FKBP5: variants seen among roughly 807,000 people sequenced by gnomAD.
The protein encoded by FKBP5 is FKBP prolyl isomerase 5, also known as peptidyl-prolyl cis-trans isomerase FKBP5.
In FKBP5, 23 loss-of-function variants were observed where a neutral mutation model predicts 50.5. That is an observed-to-expected ratio of 0.46 (90% CI 0.33 to 0.65). The LOEUF (loss-of-function observed/expected upper bound fraction) is 0.65, where lower values mean the gene tolerates loss of function less well. Ranked by LOEUF, FKBP5 falls within the 30% of genes least tolerant of loss-of-function variation. The pLI is 0.02. For missense variants in FKBP5, 411 were observed against 553.1 expected, an observed-to-expected ratio of 0.74 and a Z score of 2.58; for synonymous variants, 176 against 190.6, an observed-to-expected ratio of 0.92 and a Z score of 0.63.
chr6:35,589,096 ATATATATATATTTT>A (rs1471764277), intron 7 of FKBP5, among the ~76,000 whole-genome samples: 15 of 129,842 alleles, frequency 1.2e-4, no homozygotes, highest in African/African-American at 4.0e-4. Context: ...ATATTTTTAT[ATATATATATATTTT>A]TATATATATA....
intron 3 of FKBP5, among the ~76,000 whole-genome samples, chr6:35,632,794 CAGG>C (rs747082982): frequency 4.0e-5 from 6 of 151,270 alleles, no homozygotes; most frequent in Non-Finnish European, 8.8e-5. Flanking sequence ...GAGGCTGAGG[CAGG>C]AGAATTGCTT....
Position 35,609,408 on chromosome 6 carries a change from A to G in FKBP5, c.508+9688T>C, listed in dbSNP as rs548479617. On this transcript the variant is annotated intron_variant, in intron 5 of 10. Transcript: ENST00000357266. ...AAAAGCATTGTCTTTAGTGTAATGA[A>G]TAAGATTCTTATTCCTTTGTACATA... Among the ~76,000 whole-genome samples, 4 of 152,326 alleles carry G rather than the reference A, an allele frequency of 2.6e-5. No individual in the cohort carries two copies. The South Asian group carries it at 8.3e-4, about 32-fold the overall frequency.
chr6:35,652,445 C>A (rs767653797), intron 1 of FKBP5, among the ~76,000 whole-genome samples: 8 of 152,138 alleles, frequency 5.3e-5, no homozygotes, highest in Non-Finnish European at 1.2e-4. Context: ...ATGGAAAGTC[C>A]CTGAGAAAGA....
At chr6:35,725,273 G>T (rs745841365) in intron 1 of FKBP5, among the ~76,000 whole-genome samples, 3 of 152,158 alleles carry the variant, frequency 2.0e-5, no homozygotes, top group Non-Finnish European at 2.9e-5. Flanking sequence ...CTCTGCCTCT[G>T]TTCTCTGTGA....
intron 5 of FKBP5, among the ~76,000 whole-genome samples, chr6:35,610,567 CA>C (rs35101873): frequency 1.3e-3 from 75 of 58,618 alleles, no homozygotes; most frequent in South Asian, 3.9e-3. Context: ...GACTCCGTCT[CA>C]AAAAAAAAAA....
chr6:35,689,898 C>G (rs1043104956), upstream of FKBP5, among the ~76,000 whole-genome samples: 5 of 152,156 alleles, frequency 3.3e-5, no homozygotes, highest in African/African-American at 9.7e-5. Flanking sequence ...AGACTGCCAA[C>G]CAGATGGCTA....
At chr6:35,708,810 G>A (rs946694042) in intron 2 of FKBP5, among the ~76,000 whole-genome samples, 6 of 152,166 alleles carry the variant, frequency 3.9e-5, no homozygotes, top group African/African-American at 1.4e-4. Context: ...AATGGCAGGA[G>A]CTCAGACAGC....
intron 6 of FKBP5, among the ~76,000 whole-genome samples, chr6:35,592,066 C>T (rs1439156676): frequency 6.6e-6 from 1 of 152,156 alleles, no homozygotes; most frequent in Non-Finnish European, 1.5e-5. Context: ...TCACCTGTTT[C>T]CCAGTGTTTG....
At chr6:35,647,392 T>A (rs1005913548) in intron 1 of FKBP5, among the ~76,000 whole-genome samples, 1 of 152,232 alleles carries the variant, frequency 6.6e-6, no homozygotes, top group Non-Finnish European at 1.5e-5. Flanking sequence ...CCCAGGAAGA[T>A]GCTGGGATGA....
rs146481781 is a variant in FKBP5, at chr6:35,575,611, A to G, written c.*224T>C. ...GGCTCACTCCCTCCACACCACAGTC[A>G]TTTCTGTTTGTTCCACCTGGAGTGG... On this transcript the variant is annotated 3_prime_UTR_variant, in exon 11 of 11. Transcript: ENST00000357266. 1.5e-4 allele frequency: 79 copies of G among 527,012 alleles called. No homozygotes were observed. Among genetic ancestry groups the G allele is most frequent in the African/African-American group, 1.4e-3 (75 of 52,744 alleles). The allele number at this position is 527,012 out of a possible 1,614,324, so 32.6% of individuals were successfully genotyped here.
intron 1 of FKBP5, among the ~76,000 whole-genome samples, chr6:35,643,065 C>T (rs920071069): frequency 1.3e-5 from 2 of 152,184 alleles, no homozygotes; most frequent in African/African-American, 4.8e-5. Context: ...TAGCTCTGGT[C>T]TCAAAACAGA....
chr6:35,707,840 G>C (rs1184517629), intron 2 of FKBP5, among the ~76,000 whole-genome samples: 3 of 152,170 alleles, frequency 2.0e-5, no homozygotes, highest in East Asian at 1.9e-4. Context: ...GTTTGCTAAA[G>C]ATAATGGCCT....
intron 5 of FKBP5, among the ~76,000 whole-genome samples, chr6:35,612,665 G>A (rs1340583647): frequency 6.6e-6 from 1 of 152,232 alleles, no homozygotes; most frequent in Non-Finnish European, 1.5e-5. Context: ...GGCAGAAGGG[G>A]AAGCAAACAC....
chr6:35,632,373 A>G (rs1764187446), intron 3 of FKBP5, among the ~76,000 whole-genome samples: 1 of 152,282 alleles, frequency 6.6e-6, no homozygotes, highest in East Asian at 1.9e-4. Context: ...GTTATAACAC[A>G]GCTTTTACCA....
At chr6:35,721,980 G>A (rs1766618781) in intron 1 of FKBP5, among the ~76,000 whole-genome samples, 1 of 152,116 alleles carries the variant, frequency 6.6e-6, no homozygotes, top group Non-Finnish European at 1.5e-5. Context: ...GCTGTTCCCT[G>A]TGCCTGAAAC....
chr6:35,590,300 CA>C (rs59847478), intron 7 of FKBP5, among the ~76,000 whole-genome samples: 297 of 141,536 alleles, frequency 2.1e-3, no homozygotes, highest in Middle Eastern at 3.6e-3. Flanking sequence ...GACCCTATCT[CA>C]AAAAAAAAAA....
chr6:35,727,555 A>T (rs554138722), intron 1 of FKBP5, among the ~76,000 whole-genome samples: 7 of 152,320 alleles, frequency 4.6e-5, no homozygotes, highest in African/African-American at 1.7e-4. Flanking sequence ...AGCCCCGGGA[A>T]TCCCTGGAGT....
At chr6:35,612,688 A>G (rs1369933280) in intron 5 of FKBP5, among the ~76,000 whole-genome samples, 4 of 152,244 alleles carry the variant, frequency 2.6e-5, no homozygotes, top group Non-Finnish European at 5.9e-5. Context: ...CCTTCTTCAC[A>G]TGGCGGCAGA....
chr6:35,655,000 A>T (rs1437492396), intron 1 of FKBP5, among the ~76,000 whole-genome samples: 1 of 152,038 alleles, frequency 6.6e-6, no homozygotes, highest in African/African-American at 2.4e-5. Context: ...AGCCTGAGTA[A>T]CATAGTGAAA....
Sources: gnomAD v4.1 joint callset for allele counts (sites outside exome capture counted in the v4.1 genomes callset) on GRCh38, gnomAD v4.1.1 for gene constraint, MANE v1.5 for transcripts, NCBI Gene and HGNC (gene_info 2026-07-23, HGNC 2026-07-21) for gene names.